Variants in MORF4L1 observed in about 807,000 individuals in gnomAD.
The protein encoded by MORF4L1 is mortality factor 4-like protein 1.
Under a neutral mutation model 52.9 loss-of-function variants are expected in MORF4L1, and 4 were observed. That is an observed-to-expected ratio of 0.08 (90% CI 0.04 to 0.17). The LOEUF is 0.17. Ranked by LOEUF, MORF4L1 falls within the 10% of genes least tolerant of loss-of-function variation. MORF4L1 has a pLI of 1.00. For synonymous variants in MORF4L1, 123 were observed against 134.8 expected, an observed-to-expected ratio of 0.91 and a Z score of 0.61; for missense variants, 214 against 390.4, an observed-to-expected ratio of 0.55 and a Z score of 3.81.
intron 3 of MORF4L1, among the ~76,000 whole-genome samples, chr15:78,885,783 CTG>C (rs2056692322): frequency 1.3e-5 from 2 of 152,164 alleles, no homozygotes; most frequent in Non-Finnish European, 2.9e-5. Flanking sequence ...TTAAAAATAA[CTG>C]AGTTTTTGAC....
At chr15:78,889,788 TTTAA>T (rs1233984375) in intron 5 of MORF4L1, among the ~76,000 whole-genome samples, 3 of 152,306 alleles carry the variant, frequency 2.0e-5, no homozygotes, top group African/African-American at 7.2e-5. Context: ...AATGAATATA[TTTAA>T]TTAATAACAT....
In MORF4L1 at chr15:78,879,455, C is replaced by G. The variant is rs1463560844; in HGVS notation, c.88-1057C>G. On this transcript the variant is annotated intron_variant, in intron 2 of 11. Transcript: ENST00000426013. ...CAGGCTGGTCTTGAACTCCTGACCT[C>G]GTGATCCACCTGCCTCGGCCTCCCA... Among the ~76,000 whole-genome samples, 4 of 147,798 alleles carry G rather than the reference C, an allele frequency of 2.7e-5. No homozygotes were observed. The Admixed American group carries it at 2.7e-4, about 10-fold the overall frequency.
At chr15:78,892,393 AT>A in intron 8 of MORF4L1, 80 bp downstream of exon 8, 1 of 908,014 alleles carries the variant, frequency 1.1e-6, no homozygotes, top group Non-Finnish European at 1.8e-6. Flanking sequence ...GGAAAATGTT[AT>A]ATTGACTTGA....
At chr15:78,873,217 CG>C in intron 1 of MORF4L1, 160 bp downstream of exon 1, 1 of 1,513,644 alleles carries the variant, frequency 6.6e-7, no homozygotes, top group Non-Finnish European at 8.8e-7. Flanking sequence ...ATGGCAATTC[CG>C]GTGCGTCATT....
intron 5 of MORF4L1, among the ~76,000 whole-genome samples, chr15:78,888,123 G>A (rs1439000393): frequency 6.6e-6 from 1 of 151,896 alleles, no homozygotes; most frequent in African/African-American, 2.4e-5. Flanking sequence ...CTGATAAGAA[G>A]CCTAGAGTGA....
intron 3 of MORF4L1, among the ~76,000 whole-genome samples, chr15:78,882,315 C>T (rs936087600): frequency 9.9e-5 from 15 of 152,060 alleles, no homozygotes; most frequent in Middle Eastern, 3.4e-3. Flanking sequence ...ATCTGGACTC[C>T]TTTAAAAAGA....
chr15:78,890,371 A>G (rs2056778845), intron 5 of MORF4L1, among the ~76,000 whole-genome samples: 1 of 152,188 alleles, frequency 6.6e-6, no homozygotes, highest in African/African-American at 2.4e-5. Context: ...AAAAAATTTT[A>G]ACCTTTGACA....
At chr15:78,873,818 A>C (rs187885552) in intron 1 of MORF4L1, 2 of 152,364 alleles carry the variant, frequency 1.3e-5, no homozygotes, top group Non-Finnish European at 2.9e-5. Flanking sequence ...TCTTGGGCGC[A>C]GTGCCGAGAT....
intron 5 of MORF4L1, among the ~76,000 whole-genome samples, chr15:78,889,688 TAACA>T (rs1478043311): frequency 1.3e-5 from 2 of 152,164 alleles, no homozygotes; most frequent in African/African-American, 2.4e-5. Flanking sequence ...TTTACAAAAC[TAACA>T]GACAAGAGAA....
chr15:78,888,989 T>G (rs1456745568), intron 5 of MORF4L1, among the ~76,000 whole-genome samples: 12 of 152,164 alleles, frequency 7.9e-5, no homozygotes, highest in Non-Finnish European at 1.5e-4. Context: ...TAGAAAAGAT[T>G]TTTATCAAAA....
intron 1 of MORF4L1, chr15:78,877,749 A>C (rs950351418): frequency 1.3e-5 from 2 of 152,738 alleles, no homozygotes; most frequent in Admixed American, 1.3e-4. Context: ...AATCCAGCCA[A>C]TCTCTGATGC....
intron 10 of MORF4L1, 170 bp downstream of exon 10, chr15:78,894,400 T>G (rs931954878): frequency 2.0e-6 from 1 of 507,088 alleles, no homozygotes; most frequent in African/African-American, 2.1e-5. Flanking sequence ...TTAAAAATCG[T>G]GTATTTTATT....
rs1457328417 is a variant in MORF4L1 at position 78,883,011 on chromosome 15, T to TC, written c.155+2433dup. 3.3e-5 allele frequency among the ~76,000 whole-genome samples: 5 copies of TC among 152,220 alleles called. No individual in the cohort carries two copies. The East Asian group carries it at 9.6e-4, about 29-fold the overall frequency. ...GGTTGGATCATTTGAGGTCAGGAGT[T>TC]CAAGTCCAGCCTGGCCAACATGGTG... On this transcript the variant is annotated intron_variant, in intron 3 of 11. Coordinates refer to ENST00000426013, the MANE Select transcript of MORF4L1 (RefSeq NM_006791.4).
At position 78,892,330 on chromosome 15, in the gene MORF4L1, C is replaced by T; in HGVS notation, c.540+17C>T. ...CAAAAACAGGTAACTTGAAAAGCTA[C>T]CCAGATTGTTAAGCTATATGATACA... On this transcript the variant is annotated intron_variant, in intron 8 of 11. Transcript: ENST00000426013. The T allele has an allele frequency of 6.4e-7, 1 of 1,573,566 alleles. No homozygotes were observed. Among genetic ancestry groups the T allele is most frequent in the Non-Finnish European group, 8.7e-7 (1 of 1,143,972 alleles).
intron 11 of MORF4L1, 77 bp from the exon 12 acceptor site, chr15:78,896,906 G>A (rs1596254665): frequency 9.1e-7 from 1 of 1,096,144 alleles, no homozygotes; most frequent in Non-Finnish European, 1.4e-6. Context: ...TGTGGCTTAT[G>A]TATATAATAT....
At chr15:78,883,437 G>A (rs1328449394) in intron 3 of MORF4L1, among the ~76,000 whole-genome samples, 1 of 152,150 alleles carries the variant, frequency 6.6e-6, no homozygotes, top group East Asian at 1.9e-4. Context: ...ATTTTAAGTG[G>A]CATTTGTAGC....
chr15:78,891,006 A>C lies in MORF4L1; in HGVS notation c.341A>C (p.Lys114Thr). Residue 114 changes from lysine (K) to threonine (T), a missense_variant, in exon 6 of 12, where the codon AAA becomes ACA. Around this residue, in one of 5 missense-constraint regions of MORF4L1, gnomAD observed 84 missense variants for 116.3 expected, o/e 0.72. Transcript: ENST00000426013. Reference sequence around the variant, plus strand: ...CCTTTTAGGAAAACGAAAAAGAACAAACAGAAAAGTAAGAATATTAACTTT... The same window carrying C: ...CCTTTTAGGAAAACGAAAAAGAACACACAGAAAAGTAAGAATATTAACTTT... ...KNVEVKTKKN[K>T]QKTPGNGDGG... 1 of 1,463,684 alleles carries C rather than the reference A, an allele frequency of 6.8e-7. No homozygotes were observed. The highest frequency in any genetic ancestry group is 9.2e-7 in the Non-Finnish European group (1 of 1,087,372). The allele number at this position is 1,463,684 out of a possible 1,614,324, so 90.7% of individuals were successfully genotyped here.
At chr15:78,885,295 CA>C (rs1379761256) in intron 3 of MORF4L1, among the ~76,000 whole-genome samples, 2 of 152,012 alleles carry the variant, frequency 1.3e-5, no homozygotes, top group African/African-American at 2.4e-5. Flanking sequence ...ATTTACTGCT[CA>C]AAAAAAGTTA....
Position 78,892,311 on chromosome 15 carries a change from C to G in MORF4L1, c.538C>G (p.Gln180Glu). The part of the protein sequence containing the change: ...DDWDLITRQK[Q>E]LFYLPAKKNV... ...CTGGGACTTAATTACCAGGCAAAAACAGGTAACTTGAAAAGCTACCCAGAT... is the reference window on the plus strand; with the variant it reads ...CTGGGACTTAATTACCAGGCAAAAAGAGGTAACTTGAAAAGCTACCCAGAT... Residue 180 changes from glutamine (Q) to glutamate (E), a missense_variant and splice_region_variant, in exon 8 of 12, where the codon CAG becomes GAG. Around this residue, in one of 5 missense-constraint regions of MORF4L1, gnomAD observed 68 missense variants for 171.6 expected, o/e 0.40. Coordinates refer to ENST00000426013, the MANE Select transcript of MORF4L1 (RefSeq NM_006791.4). 3 of 1,610,662 alleles carry G rather than the reference C, an allele frequency of 1.9e-6. No homozygotes were observed. Among genetic ancestry groups the G allele is most frequent in the African/African-American group, 2.7e-5 (2 of 74,950 alleles).
Sources: gnomAD v4.1 joint callset for allele counts (sites outside exome capture counted in the v4.1 genomes callset) on GRCh38, gnomAD v4.1.1 for gene constraint, gnomAD v4.1.1 regional missense constraint, MANE v1.5 for transcripts, NCBI Gene and HGNC (gene_info 2026-07-23, HGNC 2026-07-21) for gene names.